Variants in RAB40C observed in about 807,000 individuals in gnomAD.
The protein encoded by RAB40C is RAB40C, member RAS oncogene family, also known as ras-related protein Rab-40C.
RAB40C carries 8 observed loss-of-function variants against 28.1 expected under a neutral mutation model. The observed-to-expected ratio is 0.28, with a 90% CI of 0.17 to 0.51. The LOEUF (loss-of-function observed/expected upper bound fraction) is 0.51, where lower values mean the gene tolerates loss of function less well. RAB40C is among the 20% of genes least tolerant of loss of function. The pLI, the probability that RAB40C is intolerant of heterozygous loss-of-function variation, is 0.97. For synonymous variants in RAB40C, 201 were observed against 171.7 expected (o/e 1.17, Z -1.34); for missense variants, 288 against 405.9 (o/e 0.71, Z 2.50).
chr16:625,686 G>A (rs768502154), intron 4 of RAB40C, 177 bp downstream of exon 4: 93 of 835,412 alleles, frequency 1.1e-4, no homozygotes, highest in Non-Finnish European at 1.6e-4. Context: ...ACAGTCGGGC[G>A]TGGAGCCCAG....
intron 1 of RAB40C, chr16:596,194 T>C (rs905252093): frequency 2.4e-6 from 1 of 420,200 alleles, no homozygotes; most frequent in Non-Finnish European, 4.8e-6. Context: ...GCCTGCACGA[T>C]GAGCTAAATT....
At chr16:608,063 G>T (rs1296358880) in intron 1 of RAB40C, among the ~76,000 whole-genome samples, 1 of 152,100 alleles carries the variant, frequency 6.6e-6, no homozygotes, top group Admixed American at 6.6e-5. Context: ...CTGTTCTCAC[G>T]CTGCTAGGAA....
At chr16:601,200 T>C (rs1446533181) in intron 1 of RAB40C, among the ~76,000 whole-genome samples, 1 of 152,204 alleles carries the variant, frequency 6.6e-6, no homozygotes. Context: ...AAAATTGTAG[T>C]ACCAAAAACT....
chr16:610,110 T>C lies in RAB40C; in HGVS notation c.143-7098T>C, dbSNP rs1409615245. On this transcript the variant is annotated intron_variant, in intron 1 of 5. Transcript: ENST00000248139. The surrounding 1 kb of genome is among the most constrained non-coding windows in gnomAD (Gnocchi z 4.6). ...GGAGTCCGCTTGCTGAGACTTGGTC[T>C]CCTGTAGCTGGTGGGGAAGCGGCAC... Among the ~76,000 whole-genome samples, 1 of 152,118 alleles carries C rather than the reference T, an allele frequency of 6.6e-6. No homozygotes were observed. Among genetic ancestry groups the C allele is most frequent in the African/African-American group, 2.4e-5 (1 of 41,394 alleles).
At chr16:617,007 G>A (rs1219707243) in intron 1 of RAB40C, 4 of 599,458 alleles carry the variant, frequency 6.7e-6, no homozygotes, top group Non-Finnish European at 1.2e-5. Context: ...CCTGCCCGTG[G>A]CCCGTGTGCA....
intron 3 of RAB40C, among the ~76,000 whole-genome samples, chr16:620,219 C>A (rs2036682431): frequency 1.3e-5 from 2 of 152,156 alleles, no homozygotes; most frequent in Non-Finnish European, 1.5e-5. Context: ...ATGGTGAAAC[C>A]CCATCTCTAC....
intron 3 of RAB40C, among the ~76,000 whole-genome samples, chr16:618,614 C>T (rs1018261642): frequency 2.6e-5 from 4 of 151,520 alleles, no homozygotes; most frequent in African/African-American, 9.7e-5. Context: ...CAGCCATGTG[C>T]ACAGGTCTGG....
At chr16:609,437 T>C (rs2151070223) in intron 1 of RAB40C, among the ~76,000 whole-genome samples, 1 of 151,966 alleles carries the variant, frequency 6.6e-6, no homozygotes, top group African/African-American at 2.4e-5. Context: ...CGTGGCAGGA[T>C]GATGGCAGGA....
chr16:594,612 C>G (rs575548059), intron 1 of RAB40C, among the ~76,000 whole-genome samples: 134 of 152,240 alleles, frequency 8.8e-4, no homozygotes, highest in African/African-American at 3.1e-3. Context: ...GAGGCTCCTC[C>G]GTGTTTCATT....
At chr16:624,251 G>A in intron 3 of RAB40C, 1 of 985,364 alleles carries the variant, frequency 1.0e-6, no homozygotes. Flanking sequence ...ACGCTTTGGT[G>A]GCCCACTCCC....
intron 1 of RAB40C, among the ~76,000 whole-genome samples, chr16:604,319 C>G (rs550763879): frequency 6.6e-6 from 1 of 152,184 alleles, no homozygotes; most frequent in Non-Finnish European, 1.5e-5. Context: ...TTCAGTGGCA[C>G]TAGCACTAAA....
intron 1 of RAB40C, among the ~76,000 whole-genome samples, chr16:603,247 C>T (rs1190813673): frequency 6.6e-6 from 1 of 152,212 alleles, no homozygotes; most frequent in South Asian, 2.1e-4. Flanking sequence ...ACAAACTGCC[C>T]TAGAATTTCT....
At chr16:589,950 G>T (rs977912472), upstream of RAB40C, 1 of 151,476 alleles carries the variant, frequency 6.6e-6, no homozygotes, top group African/African-American at 2.4e-5. Flanking sequence ...GAGGTCTGGC[G>T]GCGCCGTGTG....
chr16:625,619 C>G, intron 4 of RAB40C, 110 bp downstream of exon 4: 1 of 1,131,720 alleles, frequency 8.8e-7, no homozygotes, highest in Non-Finnish European at 1.3e-6. Context: ...GGCCCCGGCT[C>G]TGCACCCTGC....
At chr16:596,189 C>T (rs2036120307) in intron 1 of RAB40C, 1 of 416,014 alleles carries the variant, frequency 2.4e-6, no homozygotes, top group Non-Finnish European at 4.9e-6. Context: ...TTGTGGCCTG[C>T]ACGATGAGCT....
intron 3 of RAB40C, among the ~76,000 whole-genome samples, chr16:620,308 G>T (rs759884295): frequency 1.3e-5 from 2 of 151,990 alleles, no homozygotes; most frequent in Non-Finnish European, 2.9e-5. Context: ...CAGGAGAATC[G>T]CTTGAACCCA....
chr16:595,524 C>T (rs1226428117), intron 1 of RAB40C, among the ~76,000 whole-genome samples: 3 of 152,054 alleles, frequency 2.0e-5, no homozygotes, highest in Non-Finnish European at 2.9e-5. Flanking sequence ...GCCTCAGGCC[C>T]GGGATGACCC....
At position 590,300 on chromosome 16, in the gene RAB40C, G is replaced by C; in HGVS notation, c.9G>C (p.Ser3=). Residue 3 remains serine, a synonymous_variant, in exon 1 of 6, where the codon TCG becomes TCC. Transcript: ENST00000248139. MG[S]QGSPVKSYDY... is the part of the protein sequence containing the mutation. ...GCGCAGGCGGCGCGGCCATGGGCTC[G>C]CAGGGCAGTCCGGTGAAGAGCTACG... 2 of 1,553,778 alleles carry C rather than the reference G, an allele frequency of 1.3e-6. No individual in the cohort carries two copies. The highest frequency in any genetic ancestry group is 1.7e-6 in the Non-Finnish European group (2 of 1,153,300).
At chr16:624,995 T>G in intron 3 of RAB40C, 1 of 1,289,750 alleles carries the variant, frequency 7.8e-7, no homozygotes, top group Non-Finnish European at 1.0e-6. Context: ...CATTCTGCTC[T>G]GCAAGTTTTA....
Sources: gnomAD v4.1 joint callset for allele counts (sites outside exome capture counted in the v4.1 genomes callset) on GRCh38, gnomAD v4.1.1 for gene constraint, Gnocchi (gnomAD v3.1) non-coding constraint, MANE v1.5 for transcripts, NCBI Gene and HGNC (gene_info 2026-07-23, HGNC 2026-07-21) for gene names.